Variants in WDR17 observed in about 807,000 individuals in gnomAD.
The protein encoded by WDR17 is WD repeat domain 17.
WDR17 carries 143 observed loss-of-function variants against 161.7 expected under a neutral mutation model. The ratio of observed to expected loss-of-function variants is 0.88; its 90% confidence interval spans 0.77 to 1.02. WDR17 has a LOEUF of 1.02. WDR17 is among the 50% of genes least tolerant of loss of function. The pLI, the probability that WDR17 is intolerant of heterozygous loss-of-function variation, is 0.00. For synonymous variants in WDR17, 517 were observed against 515.6 expected (o/e 1.00, Z -0.04); for missense variants, 1,469 against 1,520.9 (o/e 0.97, Z 0.57).
Position 176,172,519 on chromosome 4 carries a change from A to G in WDR17, c.3244+3A>G, listed in dbSNP as rs370051812. The G allele has an allele frequency of 7.3e-5, 116 of 1,580,240 alleles. No individual in the cohort carries two copies. The African/African-American group carries it at 1.5e-3, about 20-fold the overall frequency. ...TATTGGTATTAGCTTTGTTAAAGGT[A>G]AGTAATTAGTTGGTAGTAGAATTTT... On this transcript the variant is annotated splice_donor_region_variant and intron_variant, in intron 24 of 28. Coordinates refer to ENST00000508596, the MANE Select transcript of WDR17 (RefSeq NM_181265.4).
At chr4:176,166,756 G>A (rs1351873926) in intron 22 of WDR17, among the ~76,000 whole-genome samples, 1 of 152,096 alleles carries the variant, frequency 6.6e-6, no homozygotes, top group Non-Finnish European at 1.5e-5. Flanking sequence ...GGAAACACAT[G>A]ACATCATTCA....
intron 12 of WDR17, among the ~76,000 whole-genome samples, chr4:176,147,318 A>G (rs1579186539): frequency 6.6e-6 from 1 of 152,166 alleles, no homozygotes; most frequent in Non-Finnish European, 1.5e-5. Flanking sequence ...ATTATTGTGA[A>G]TTGTCTAAGC....
At chr4:176,126,196 G>A (rs34861809) in intron 5 of WDR17, among the ~76,000 whole-genome samples, 28,357 of 152,086 alleles carry the variant, frequency 0.19, 2,899 homozygotes, top group South Asian at 0.26. Flanking sequence ...ACTGATCCGT[G>A]GGTTGAATGG....
chr4:176,070,645 C>G (rs1244378493), intron 1 of WDR17, among the ~76,000 whole-genome samples: 1 of 151,860 alleles, frequency 6.6e-6, no homozygotes, highest in African/African-American at 2.4e-5. Flanking sequence ...TTCTGAGCAG[C>G]TGGGACTACA....
At chr4:176,174,349 C>T (rs1436111946) in intron 25 of WDR17, among the ~76,000 whole-genome samples, 1 of 152,098 alleles carries the variant, frequency 6.6e-6, no homozygotes, top group African/African-American at 2.4e-5. Flanking sequence ...CATGAAGAAA[C>T]AGCCAGGAAA....
intron 1 of WDR17, among the ~76,000 whole-genome samples, chr4:176,095,063 A>G (rs1736645727): frequency 6.6e-6 from 1 of 152,112 alleles, no homozygotes; most frequent in South Asian, 2.1e-4. Flanking sequence ...TGAAGCAGAG[A>G]CAAGGTTGGT....
At chr4:176,161,928 T>C (rs939337233) in intron 20 of WDR17, 147 bp from the exon 21 acceptor site, 34 of 603,304 alleles carry the variant, frequency 5.6e-5, no homozygotes, top group Non-Finnish European at 2.2e-5. Context: ...ACTTTCCTGA[T>C]TTATTTTTTC....
chr4:176,102,443 T>C (rs763950045), intron 1 of WDR17, among the ~76,000 whole-genome samples: 1 of 152,198 alleles, frequency 6.6e-6, no homozygotes, highest in Non-Finnish European at 1.5e-5. Flanking sequence ...GATGGGTTCT[T>C]ACAAAGCTAA....
chr4:176,143,980 A>C (rs35810775), intron 11 of WDR17, among the ~76,000 whole-genome samples: 1 of 152,004 alleles, frequency 6.6e-6, no homozygotes, highest in African/African-American at 2.4e-5. Context: ...GTCCCTGAAT[A>C]ATCTTTTTCC....
chr4:176,115,828 C>T lies in WDR17; in HGVS notation c.156C>T (p.His52=), dbSNP rs759354934. ...LDHRYNEFKL[H]AIMSEHKKTI... is the part of the protein sequence containing the mutation. ...ACCGTTATAATGAATTCAAACTTCA[C>T]GCAATTATGTCTGAACATAAAAAAA... Residue 52 remains histidine (H), a synonymous_variant, in exon 3 of 29, where the codon CAC becomes CAT. Transcript: ENST00000508596. The T allele has an allele frequency of 5.6e-6, 9 of 1,606,164 alleles. No individual in the cohort carries two copies. Among genetic ancestry groups the T allele is most frequent in the African/African-American group, 1.3e-5 (1 of 74,722 alleles).
chr4:176,108,389 A>C (rs1477005902), intron 1 of WDR17, among the ~76,000 whole-genome samples: 1 of 152,162 alleles, frequency 6.6e-6, no homozygotes, highest in African/African-American at 2.4e-5. Flanking sequence ...GGAAACATTA[A>C]AAGATTAGTT....
intron 4 of WDR17, among the ~76,000 whole-genome samples, chr4:176,123,339 C>T (rs1285058170): frequency 6.6e-6 from 1 of 152,174 alleles, no homozygotes; most frequent in East Asian, 1.9e-4. Context: ...GTCACCTCTA[C>T]AGCAGACACT....
rs759894900 is a variant in WDR17 at position 176,125,368 on chromosome 4, C to T, written c.790+13C>T. ...TTTATAACTGGAGGTAAGCTAATCC[C>T]CATAACCCAGAGTTTTAAATACGTG... On this transcript the variant is annotated intron_variant, in intron 5 of 28. Coordinates refer to ENST00000508596, the MANE Select transcript of WDR17 (RefSeq NM_181265.4). 6.2e-7 allele frequency: 1 copy of T among 1,611,658 alleles called. No individual in the cohort carries two copies. The highest frequency in any genetic ancestry group is 8.5e-7 in the Non-Finnish European group (1 of 1,178,518).
chr4:176,156,385 GAGAGAA>G (rs1397411229), intron 18 of WDR17, among the ~76,000 whole-genome samples: 2 of 152,232 alleles, frequency 1.3e-5, no homozygotes, highest in Non-Finnish European at 2.9e-5. Flanking sequence ...CATGTCAGTG[GAGAGAA>G]GGACAGATCA....
chr4:176,125,667 G>T (rs1313590851), intron 5 of WDR17, among the ~76,000 whole-genome samples: 1 of 152,114 alleles, frequency 6.6e-6, no homozygotes, highest in African/African-American at 2.4e-5. Flanking sequence ...TCCATTTCAG[G>T]CATAGTAGGA....
chr4:176,126,370 A>G (rs1742445592), intron 5 of WDR17, among the ~76,000 whole-genome samples: 2 of 152,208 alleles, frequency 1.3e-5, no homozygotes, highest in Admixed American at 6.5e-5. Flanking sequence ...CTGAAAGAAC[A>G]GAATGTTTTT....
At chr4:176,074,810 C>CCT (rs1733751124) in intron 1 of WDR17, among the ~76,000 whole-genome samples, 1 of 79,200 alleles carries the variant, frequency 1.3e-5, no homozygotes, top group Admixed American at 1.7e-4. Context: ...TTTTTTAATG[C>CCT]TTTTTTTTTT....
chr4:176,177,985 CAAAAAAAAAAAAAAAAAAAAAAAAAAAAA>C (rs869298899), intron 28 of WDR17, among the ~76,000 whole-genome samples: 8 of 46,300 alleles, frequency 1.7e-4, no homozygotes, highest in Non-Finnish European at 2.3e-4. Context: ...AACTCCGTCT[CAAAAAAAAAAAAAAAAAAAAAAAAAAAAA>C]AAAAAAAAAA....
At chr4:176,159,881 A>G (rs954472708) in intron 18 of WDR17, 113 bp from the exon 19 acceptor site, 30 of 1,063,570 alleles carry the variant, frequency 2.8e-5, no homozygotes, top group Non-Finnish European at 3.9e-5. Context: ...GTGGTATGCC[A>G]AAGGGCTTTA....
Sources: gnomAD v4.1 joint callset for allele counts (sites outside exome capture counted in the v4.1 genomes callset) on GRCh38, gnomAD v4.1.1 for gene constraint, MANE v1.5 for transcripts, NCBI Gene and HGNC (gene_info 2026-07-23, HGNC 2026-07-21) for gene names.